The following PCDH15 variants were observed in gnomAD, a reference collection of about 807,000 sequenced individuals.
PCDH15 encodes protocadherin related 15, also known as protocadherin-15.
PCDH15 carries 129 observed loss-of-function variants against 178.5 expected under a neutral mutation model. That is an observed-to-expected ratio of 0.72 (90% CI 0.63 to 0.84). The LOEUF (loss-of-function observed/expected upper bound fraction) is 0.84. Ranked by LOEUF, PCDH15 falls within the 40% of genes least tolerant of loss-of-function variation. The pLI is 0.00. For synonymous variants in PCDH15, 800 were observed against 732.0 expected (o/e 1.09, Z -1.50); for missense variants, 2,230 against 2,099.9 (o/e 1.06, Z -1.21).
At chr10:54,505,595 A>T (rs2081098079) in intron 3 of PCDH15, among the ~76,000 whole-genome samples, 1 of 152,082 alleles carries the variant, frequency 6.6e-6, no homozygotes, top group African/African-American at 2.4e-5. Flanking sequence ...GAGTTGAACA[A>T]TGAGAACACA....
At chr10:54,066,705 C>A (rs376653045) in intron 18 of PCDH15, 52 bp downstream of exon 18, 1 of 1,566,424 alleles carries the variant, frequency 6.4e-7, no homozygotes, top group Non-Finnish European at 8.8e-7. Context: ...ATGTAATAAA[C>A]TTACACTCTT....
intron 1 of PCDH15, among the ~76,000 whole-genome samples, chr10:55,276,964 T>C (rs1378626903): frequency 6.6e-6 from 1 of 152,036 alleles, no homozygotes; most frequent in Non-Finnish European, 1.5e-5. Context: ...AGTATGATCG[T>C]TGGTCTTTAA....
intron 2 of PCDH15, among the ~76,000 whole-genome samples, chr10:55,091,114 T>A (rs1426246327): frequency 6.6e-6 from 1 of 151,926 alleles, no homozygotes; most frequent in Non-Finnish European, 1.5e-5. Context: ...TTGAAATAAA[T>A]CCTTGCAGAT....
At chr10:54,945,972 T>G (rs1302741547) in intron 2 of PCDH15, among the ~76,000 whole-genome samples, 1 of 151,886 alleles carries the variant, frequency 6.6e-6, no homozygotes, top group African/African-American at 2.4e-5. Flanking sequence ...TAGTCATACA[T>G]ACTGAATTGA....
At chr10:54,640,757 C>A (rs1185788930) in intron 2 of PCDH15, among the ~76,000 whole-genome samples, 2 of 151,828 alleles carry the variant, frequency 1.3e-5, no homozygotes, top group African/African-American at 4.8e-5. Flanking sequence ...AAAAAAAATG[C>A]CAGTTGTGCA....
Position 54,183,510 on chromosome 10 carries a change from G to C in PCDH15, c.1524C>G (p.Thr508=), listed in dbSNP as rs778822897. 1.2e-5 allele frequency: 20 copies of C among 1,613,590 alleles called. No individual in the cohort carries two copies. In the Admixed American group the frequency reaches 3.2e-4, roughly 26 times the overall value. Residue 508 remains threonine (T), a synonymous_variant, in exon 13 of 38, where the codon ACC becomes ACG. Coordinates refer to ENST00000644397, the MANE Select transcript of PCDH15 (RefSeq NM_001384140.1). The part of the protein sequence containing the change: ...QVMDANDNTP[T]FPEISYDVYV... ...ACACATCATAGGATATTTCAGGGAA[G>C]GTTGGCGTGTTATCATTTGCATCCA...
chr10:53,810,681 C>T lies in PCDH15; in HGVS notation c.4563-17G>A, dbSNP rs769800566. On this transcript the variant is annotated splice_polypyrimidine_tract_variant and intron_variant, in intron 36 of 37. Coordinates refer to ENST00000644397, the MANE Select transcript of PCDH15 (RefSeq NM_001384140.1). ...ATTTCATACCTGTAATATAAACTTA[C>T]ATCTTTAAACAGTTTGTCATGTGAT... 6.9e-6 allele frequency: 11 copies of T among 1,590,768 alleles called. 1 individual carries two copies. Among genetic ancestry groups the T allele is most frequent in the Non-Finnish European group, 9.5e-6 (11 of 1,159,190 alleles).
At chr10:54,701,537 T>C (rs1189099819) in intron 1 of PCDH15, among the ~76,000 whole-genome samples, 3 of 151,968 alleles carry the variant, frequency 2.0e-5, no homozygotes, top group Non-Finnish European at 4.4e-5. Flanking sequence ...AAGACCCAAC[T>C]GTATGCTGTC....
chr10:54,991,901 T>C (rs1839509767), intron 2 of PCDH15, among the ~76,000 whole-genome samples: 1 of 152,062 alleles, frequency 6.6e-6, no homozygotes, highest in Non-Finnish European at 1.5e-5. Flanking sequence ...ATTTAAAATA[T>C]TAAATAATTG....
At chr10:54,870,467 A>C (rs6481123) in intron 3 of PCDH15, among the ~76,000 whole-genome samples, 148,279 of 152,194 alleles carry the variant, frequency 0.97, 72,365 homozygotes, top group East Asian at 1. Context: ...TCACTGAGTT[A>C]GTTTGCAAGT....
intron 2 of PCDH15, among the ~76,000 whole-genome samples, chr10:55,389,037 A>G (rs576873103): frequency 6.6e-6 from 1 of 152,250 alleles, no homozygotes; most frequent in Non-Finnish European, 1.5e-5. Flanking sequence ...CTTTCTTATA[A>G]CTGGGTTCAT....
At chr10:53,975,797 G>A (rs2090137172) in intron 21 of PCDH15, among the ~76,000 whole-genome samples, 1 of 152,046 alleles carries the variant, frequency 6.6e-6, no homozygotes, top group East Asian at 1.9e-4. Context: ...ATCAATTTTT[G>A]TTTTTGTTGT....
At chr10:54,099,542 A>C (rs1304137056) in intron 15 of PCDH15, among the ~76,000 whole-genome samples, 3 of 147,668 alleles carry the variant, frequency 2.0e-5, no homozygotes, top group Non-Finnish European at 3.0e-5. Flanking sequence ...AAAACAAAAA[A>C]CAAAAAAACA....
At chr10:53,932,117 G>A in intron 25 of PCDH15, among the ~76,000 whole-genome samples, 1 of 152,166 alleles carries the variant, frequency 6.6e-6, no homozygotes, top group Admixed American at 6.5e-5. Context: ...CTTCAGCACT[G>A]GTATGCTTTT....
chr10:53,974,729 T>A (rs2090046481), intron 21 of PCDH15, among the ~76,000 whole-genome samples: 1 of 152,168 alleles, frequency 6.6e-6, no homozygotes, highest in African/African-American at 2.4e-5. Context: ...ATTCACAACT[T>A]TCAAGTGATG....
intron 1 of PCDH15, among the ~76,000 whole-genome samples, chr10:54,671,004 C>G (rs2094656291): frequency 6.6e-6 from 1 of 151,974 alleles, no homozygotes; most frequent in East Asian, 1.9e-4. Context: ...TCATCTAAAT[C>G]TCAGTCTTTT....
chr10:55,040,033 A>G lies in PCDH15; in HGVS notation c.-80+126543T>C, dbSNP rs187849660. ...CAAATGGCTGTAAACAGAATTACCC[A>G]AATTTAACATAACCAAGAAAAAATA... On this transcript the variant is annotated intron_variant, in intron 2 of 5. Coordinates refer to the PCDH15 transcript ENST00000458638. 5.8e-4 allele frequency among the ~76,000 whole-genome samples: 88 copies of G among 152,198 alleles called. No homozygotes were observed. The East Asian group carries it at 0.016, about 27-fold the overall frequency.
At chr10:54,836,466 TGAG>T (rs1044520098) in intron 3 of PCDH15, among the ~76,000 whole-genome samples, 15 of 152,140 alleles carry the variant, frequency 9.9e-5, no homozygotes, top group Non-Finnish European at 1.6e-4. Flanking sequence ...TTATATTTGT[TGAG>T]GAGAAGTAAT....
chr10:55,504,582 T>A (rs1840722757), intron 2 of PCDH15, among the ~76,000 whole-genome samples: 1 of 150,934 alleles, frequency 6.6e-6, no homozygotes, highest in Non-Finnish European at 1.5e-5. Flanking sequence ...TCTCATCATA[T>A]AAAAAAACGA....
Sources: allele counts gnomAD v4.1 joint callset (sites outside exome capture counted in the v4.1 genomes callset), GRCh38; gene constraint gnomAD v4.1.1; transcripts MANE v1.5; gene names NCBI Gene and HGNC (gene_info 2026-07-23, HGNC 2026-07-21).